Variants in UNC79 observed in about 807,000 individuals in gnomAD.
The protein encoded by UNC79 is unc-79 subunit of NALCN channel complex.
A neutral mutation model predicts 283.1 loss-of-function variants in UNC79; 37 were observed. The observed-to-expected ratio is 0.13, with a 90% CI of 0.10 to 0.17. UNC79 has a LOEUF of 0.17. Among genes scored for constraint, UNC79 ranks in the 10% least tolerant of loss-of-function variants. The pLI, the probability that UNC79 is intolerant of heterozygous loss-of-function variation, is 1.00. For missense variants in UNC79, 2,272 were observed against 3,211.1 expected, an observed-to-expected ratio of 0.71 and a Z score of 7.07; for synonymous variants, 1,107 against 1,200.2, an observed-to-expected ratio of 0.92 and a Z score of 1.61.
exon 46 of UNC79, chr14:93,691,926 C>T: frequency 1.9e-6 from 3 of 1,614,192 alleles, no homozygotes; most frequent in Non-Finnish European, 2.5e-6. Flanking sequence ...CATCCTTCAG[C>T]TAATGGCCCA....
rs549959593 is a variant in UNC79 at position 93,690,608 on chromosome 14, T to C, written c.7272+305T>C. On this transcript the variant is annotated intron_variant, in intron 45 of 48. Transcript: ENST00000555664. The surrounding 1 kb of genome is among the most constrained non-coding windows in gnomAD (Gnocchi z 4.3). ...GAAGAGAAATAAAAGGCTAGAAATA[T>C]AATCAAAATTCTGTGATCAGTTTTT... 5 of 298,520 alleles carry C rather than the reference T, an allele frequency of 1.7e-5. No homozygotes were observed. Among genetic ancestry groups the C allele is most frequent in the Non-Finnish European group, 3.1e-5 (5 of 162,872 alleles). 18.5% of individuals were successfully genotyped at this position (298,520 alleles called of 1,614,324 possible).
intron 2 of UNC79, 105 bp from the exon 3 acceptor site, chr14:93,473,984 G>C: frequency 1.5e-6 from 2 of 1,346,856 alleles, no homozygotes; most frequent in Non-Finnish European, 2.0e-6. Context: ...CATCTTATGT[G>C]GAATGTATCT....
At chr14:93,517,801 T>G (rs1401214720) in intron 7 of UNC79, among the ~76,000 whole-genome samples, 1 of 152,074 alleles carries the variant, frequency 6.6e-6, no homozygotes, top group Non-Finnish European at 1.5e-5. Context: ...TATCTTTTCT[T>G]TCTAAAGTTT....
At chr14:93,348,048 GGT>G in intron 1 of UNC79, 1 of 1,611,290 alleles carries the variant, frequency 6.2e-7, no homozygotes, top group African/African-American at 1.3e-5. Flanking sequence ...TTGGACTTGT[GGT>G]GTTTTTTACG....
At chr14:93,693,401 A>C (rs537532947) in intron 46 of UNC79, among the ~76,000 whole-genome samples, 24 of 152,346 alleles carry the variant, frequency 1.6e-4, no homozygotes, top group Admixed American at 6.5e-4. Flanking sequence ...TCTCCTCCAA[A>C]TCACTCTCCA....
intron 31 of UNC79, among the ~76,000 whole-genome samples, chr14:93,633,781 A>G (rs975687440): frequency 6.6e-5 from 10 of 152,136 alleles, no homozygotes; most frequent in African/African-American, 2.4e-4. Flanking sequence ...CATTTCACTG[A>G]TGGGATATGT....
intron 38 of UNC79, among the ~76,000 whole-genome samples, chr14:93,658,080 A>T (rs982213393): frequency 3.3e-5 from 5 of 152,206 alleles, no homozygotes; most frequent in African/African-American, 4.8e-5. Flanking sequence ...AAATAGAACC[A>T]GTGGTTCCCT....
intron 1 of UNC79, among the ~76,000 whole-genome samples, chr14:93,460,320 C>G (rs1161790421): frequency 1.3e-5 from 2 of 150,862 alleles, no homozygotes; most frequent in Non-Finnish European, 3.0e-5. Flanking sequence ...CCAGCCTGAC[C>G]AACATGGTGA....
intron 30 of UNC79, among the ~76,000 whole-genome samples, chr14:93,625,672 T>C (rs906864424): frequency 6.6e-6 from 1 of 152,220 alleles, no homozygotes; most frequent in Admixed American, 6.5e-5. Context: ...ATTTTTTTGC[T>C]GTCCCTCCCC....
chr14:93,404,333 A>AT (rs1176306117), intron 1 of UNC79, among the ~76,000 whole-genome samples: 19 of 148,456 alleles, frequency 1.3e-4, no homozygotes, highest in Non-Finnish European at 2.4e-4. Context: ...AAAATAAAAA[A>AT]AAAAAAATTA....
chr14:93,496,893 T>C (rs2059037883), intron 6 of UNC79, among the ~76,000 whole-genome samples: 1 of 152,220 alleles, frequency 6.6e-6, no homozygotes, highest in Non-Finnish European at 1.5e-5. Context: ...ATCAATCTGA[T>C]TAGAGATCAA....
intron 46 of UNC79, among the ~76,000 whole-genome samples, chr14:93,692,619 C>T (rs184859695): frequency 9.7e-4 from 147 of 152,320 alleles, no homozygotes; most frequent in African/African-American, 5.8e-4. Context: ...AAGAGCCTCA[C>T]GTTTTCAAGC....
rs549773885 is a variant in UNC79 at position 93,617,627 on chromosome 14, G to A, written c.4224+323G>A. Among the ~76,000 whole-genome samples, 4 of 152,284 alleles carry A rather than the reference G, an allele frequency of 2.6e-5. No individual in the cohort carries two copies. The East Asian group carries it at 7.7e-4, about 29-fold the overall frequency. ...CAGAAAACAAAAGATATCTGAAATTGTATTCATCCACTAAAGGTTTATGCC... is the reference window on the plus strand; with the variant it reads ...CAGAAAACAAAAGATATCTGAAATTATATTCATCCACTAAAGGTTTATGCC... On this transcript the variant is annotated intron_variant, in intron 28 of 48. Coordinates refer to ENST00000555664, the Ensembl canonical transcript of UNC79. This position sits in a 1 kb window ranked among gnomAD's most constrained non-coding sequence, Gnocchi z 4.5.
intron 1 of UNC79, among the ~76,000 whole-genome samples, chr14:93,361,258 AAG>A (rs2054220866): frequency 2.7e-5 from 1 of 37,234 alleles, no homozygotes; most frequent in Non-Finnish European, 6.5e-5. Context: ...AAAAGAAAAG[AAG>A]GAGGCACAAC....
At chr14:93,348,089 T>C (rs1467876862) in intron 1 of UNC79, 1 of 1,610,806 alleles carries the variant, frequency 6.2e-7, no homozygotes, top group Non-Finnish European at 8.5e-7. Context: ...GCATATGTGC[T>C]AGGCAACCTG....
intron 14 of UNC79, among the ~76,000 whole-genome samples, chr14:93,551,175 G>T (rs1220833098): frequency 6.6e-6 from 1 of 152,072 alleles, no homozygotes; most frequent in East Asian, 1.9e-4. Flanking sequence ...TCAACCTCCC[G>T]AGTAGCTGGG....
chr14:93,349,654 C>T (rs113018203), intron 1 of UNC79, among the ~76,000 whole-genome samples: 10,936 of 152,220 alleles, frequency 0.072, 815 homozygotes, highest in African/African-American at 0.19. Flanking sequence ...CATCCACAGG[C>T]TGGCTGCACG....
chr14:93,380,090 C>T (rs2054636395), intron 1 of UNC79, among the ~76,000 whole-genome samples: 1 of 152,076 alleles, frequency 6.6e-6, no homozygotes, highest in Admixed American at 6.6e-5. Flanking sequence ...AAAGACACAA[C>T]ATAAGTAAGG....
At chr14:93,671,600 C>T (rs553247281) in intron 40 of UNC79, among the ~76,000 whole-genome samples, 1 of 152,124 alleles carries the variant, frequency 6.6e-6, no homozygotes, top group Non-Finnish European at 1.5e-5. Context: ...TGGAGAAACC[C>T]CATCTCTACT....
Sources: gnomAD v4.1 joint callset for allele counts (sites outside exome capture counted in the v4.1 genomes callset) on GRCh38, gnomAD v4.1.1 for gene constraint, Gnocchi (gnomAD v3.1) non-coding constraint, MANE v1.5 for transcripts, NCBI Gene and HGNC (gene_info 2026-07-23, HGNC 2026-07-21) for gene names.